STAU1: variants seen among roughly 807,000 people sequenced by gnomAD.
STAU1 encodes the protein double-stranded RNA-binding protein Staufen homolog 1.
Under a neutral mutation model 62.9 loss-of-function variants are expected in STAU1, and 13 were observed. That is an observed-to-expected ratio of 0.21 (90% confidence interval 0.13 to 0.33). STAU1 has a LOEUF of 0.33. Ranked by LOEUF, STAU1 falls within the 10% of genes least tolerant of loss-of-function variation. STAU1 has a pLI of 1.00. For missense variants in STAU1, 571 were observed against 712.1 expected, an observed-to-expected ratio of 0.80 and a Z score of 2.25; for synonymous variants, 269 against 265.1, an observed-to-expected ratio of 1.01 and a Z score of -0.14.
intron 6 of STAU1, among the ~76,000 whole-genome samples, chr20:49,132,168 G>A (rs1448775022): frequency 6.6e-6 from 1 of 152,038 alleles, no homozygotes; most frequent in Non-Finnish European, 1.5e-5. Context: ...ACTCCCATAG[G>A]TGCCGCCCAC....
At chr20:49,189,397 G>T (rs554062406), upstream of STAU1, among the ~76,000 whole-genome samples, 2 of 151,550 alleles carry the variant, frequency 1.3e-5, no homozygotes, top group Non-Finnish European at 2.9e-5. Context: ...CACTTTGGGA[G>T]GCCGAGGTGG....
intron 3 of STAU1, among the ~76,000 whole-genome samples, chr20:49,156,484 G>C (rs1449116877): frequency 6.6e-6 from 1 of 152,190 alleles, no homozygotes; most frequent in Non-Finnish European, 1.5e-5. Flanking sequence ...ACACACTTTT[G>C]AAAGGTACCT....
the STAU1 span, among the ~76,000 whole-genome samples, chr20:49,206,751 A>ATATATTTTTTTTT: frequency 5.3e-5 from 5 of 95,028 alleles, no homozygotes; most frequent in African/African-American, 2.1e-4. Context: ...ATATATATAT[A>ATATATTTTTTTTT]TTTTATTTTA....
rs376044917 is a variant in STAU1 at position 49,157,805 on chromosome 20, C to T, written c.206-3734G>A. Among the ~76,000 whole-genome samples the T allele has an allele frequency of 9.2e-5, 14 of 151,708 alleles. 1 individual carries two copies. Among genetic ancestry groups the T allele is most frequent in the South Asian group, 8.4e-4 (4 of 4,774 alleles). ...TACCTGGGTAATTTTTTAATTTTTG[C>T]GGAGGCAGGGTCTCCCTATGTTGCC... On this transcript the variant is annotated intron_variant, in intron 3 of 13. Transcript: ENST00000371856.
At position 49,178,724 on chromosome 20, in the gene STAU1, C is replaced by A. The variant is rs1164503213; in HGVS notation, c.-159-4455G>T. On this transcript the variant is annotated intron_variant, in intron 1 of 13. Transcript: ENST00000371856. ...TGAGATTGGGTCACTGCACTCCAGC[C>A]TGAGTAACAGAGCGAGACTCTGCTT... Among the ~76,000 whole-genome samples, 5 of 151,202 alleles carry A rather than the reference C, an allele frequency of 3.3e-5. No individual in the cohort carries two copies. In the East Asian group the frequency reaches 9.7e-4, roughly 29 times the overall value.
chr20:49,145,212 T>C (rs1465761395), intron 5 of STAU1, among the ~76,000 whole-genome samples: 1 of 150,222 alleles, frequency 6.7e-6, no homozygotes, highest in Admixed American at 6.7e-5. Context: ...GATCACGAGG[T>C]CAGGAGTTCG....
chr20:49,173,580 T>C (rs2093624372), intron 2 of STAU1, among the ~76,000 whole-genome samples: 1 of 151,658 alleles, frequency 6.6e-6, no homozygotes, highest in South Asian at 2.1e-4. Context: ...GGTTAACTTG[T>C]CTACTAATTA....
At chr20:49,195,563 AT>A in the STAU1 span, among the ~76,000 whole-genome samples, 29 of 102,886 alleles carry the variant, frequency 2.8e-4, 2 homozygotes, top group South Asian at 6.6e-4. Flanking sequence ...AAAAAAAAAG[AT>A]AGCAACAGAC....
intron 3 of STAU1, among the ~76,000 whole-genome samples, chr20:49,157,485 T>C (rs923534971): frequency 6.6e-6 from 1 of 151,914 alleles, no homozygotes; most frequent in Non-Finnish European, 1.5e-5. Flanking sequence ...GGCTAATTTT[T>C]TTTTTTTATT....
At chr20:49,173,134 G>A (rs1342397433) in intron 2 of STAU1, among the ~76,000 whole-genome samples, 1 of 148,934 alleles carries the variant, frequency 6.7e-6, no homozygotes, top group Non-Finnish European at 1.5e-5. Flanking sequence ...GTGAGCCACT[G>A]CGCCCAGCCG....
chr20:49,153,077 C>T (rs1050411505), intron 4 of STAU1, among the ~76,000 whole-genome samples: 4 of 151,282 alleles, frequency 2.6e-5, no homozygotes, highest in Admixed American at 6.6e-5. Flanking sequence ...GGTGAAACCC[C>T]GTCTCTACTA....
rs1600581366 is a variant in STAU1, at chr20:49,115,823, T to C, written c.1677A>G (p.Gln559=). 2 of 1,614,118 alleles carry C rather than the reference T, an allele frequency of 1.2e-6. No individual in the cohort carries two copies. Among genetic ancestry groups the C allele is most frequent in the Non-Finnish European group, 8.5e-7 (1 of 1,180,006 alleles). ...ILKLLSELDQ[Q]STEMPRTGNG... ...TTCCTGTTCTTGGCATCTCTGTACT[T>C]TGTTGGTCCAACTCAGACAGCAACT... The change falls in exon 13 of 14, where the codon CAA becomes CAG. Residue 559 remains glutamine (Q), a synonymous_variant. Transcript: ENST00000371856.
chr20:49,132,369 C>G (rs6066974), intron 6 of STAU1, among the ~76,000 whole-genome samples: 6 of 152,186 alleles, frequency 3.9e-5, no homozygotes, highest in Non-Finnish European at 8.8e-5. Context: ...GGAGGATCAC[C>G]TGGATTGCAT....
chr20:49,134,269 T>C (rs564910164), intron 6 of STAU1, among the ~76,000 whole-genome samples: 1 of 151,834 alleles, frequency 6.6e-6, no homozygotes, highest in Admixed American at 6.6e-5. Context: ...CCGTTTCTAC[T>C]AAAAATACAA....
intron 6 of STAU1, among the ~76,000 whole-genome samples, 178 bp downstream of exon 6, chr20:49,135,655 C>T (rs758409517): frequency 6.6e-5 from 10 of 152,138 alleles, no homozygotes; most frequent in Non-Finnish European, 1.3e-4. Flanking sequence ...CCCTTAGTTA[C>T]GGACTCCCAG....
chr20:49,158,350 CACTT>C (rs2093396702), intron 3 of STAU1: 2 of 897,524 alleles, frequency 2.2e-6, no homozygotes, highest in Non-Finnish European at 3.2e-6. Flanking sequence ...CACTTTATCT[CACTT>C]ACAAATAATT....
the STAU1 span, among the ~76,000 whole-genome samples, chr20:49,217,157 C>T: frequency 6.6e-6 from 1 of 152,034 alleles, no homozygotes. Flanking sequence ...AGCAACCCCC[C>T]ACTCCCCGGC....
chr20:49,144,155 T>C (rs1321883633), intron 5 of STAU1, among the ~76,000 whole-genome samples: 1 of 152,246 alleles, frequency 6.6e-6, no homozygotes, highest in Non-Finnish European at 1.5e-5. Flanking sequence ...GTCATTTTTA[T>C]ATCTATTTTC....
chr20:49,138,900 C>T (rs1465777429), intron 5 of STAU1, among the ~76,000 whole-genome samples: 3 of 152,044 alleles, frequency 2.0e-5, no homozygotes, highest in African/African-American at 7.2e-5. Context: ...ACCTTAAAGG[C>T]TGGAGTTCTA....
Sources: gnomAD v4.1 joint callset for allele counts (sites outside exome capture counted in the v4.1 genomes callset) on GRCh38, gnomAD v4.1.1 for gene constraint, MANE v1.5 for transcripts, NCBI Gene and HGNC (gene_info 2026-07-23, HGNC 2026-07-21) for gene names.